TDP1: variants seen among roughly 807,000 people sequenced by gnomAD.
TDP1 encodes tyrosyl-DNA phosphodiesterase 1.
A neutral mutation model predicts 81.5 loss-of-function variants in TDP1; 64 were observed. The ratio of observed to expected loss-of-function variants is 0.79; its 90% CI spans 0.64 to 0.97. The LOEUF (loss-of-function observed/expected upper bound fraction) is 0.97, where lower values mean the gene tolerates loss of function less well. Among genes scored for constraint, TDP1 ranks in the 50% least tolerant of loss-of-function variants. The pLI, the probability that TDP1 is intolerant of heterozygous loss-of-function variation, is 0.00. For missense variants in TDP1, 723 were observed against 743.8 expected (o/e 0.97, Z 0.33); for synonymous variants, 256 against 264.3 (o/e 0.97, Z 0.30).
At chr14:89,971,051 G>T in intron 5 of TDP1, 124 bp from the exon 6 acceptor site, 1 of 764,120 alleles carries the variant, frequency 1.3e-6, no homozygotes, top group East Asian at 2.9e-5. Context: ...GGCCAGTCTG[G>T]TCTCGAACTC....
chr14:90,022,697 T>A (rs1211206651), intron 15 of TDP1: 2 of 963,642 alleles, frequency 2.1e-6, no homozygotes, highest in African/African-American at 3.5e-5. Context: ...CTTAAAGTGC[T>A]TATATCACAA....
intron 3 of TDP1, 40 bp from the exon 4 acceptor site, chr14:89,966,091 ATTATGACTAGAGGATT>A: frequency 8.2e-7 from 1 of 1,224,390 alleles, no homozygotes; most frequent in Middle Eastern, 2.1e-4. Context: ...AGTAGTGATT[ATTATGACTAGAGGATT>A]TTTGTGAGTG....
At chr14:90,002,060 AT>A (rs1897237046) in intron 14 of TDP1, among the ~76,000 whole-genome samples, 1 of 151,970 alleles carries the variant, frequency 6.6e-6, no homozygotes. Flanking sequence ...TTAAAAACTT[AT>A]TTTTTTCCAA....
chr14:89,986,230 T>TGGC (rs1392319248), intron 10 of TDP1, among the ~76,000 whole-genome samples: 8 of 152,232 alleles, frequency 5.3e-5, no homozygotes, highest in African/African-American at 1.7e-4. Context: ...TTCAGCACAT[T>TGGC]GGCCTGTGCC....
chr14:90,029,833 C>G (rs1887081983), intron 15 of TDP1, among the ~76,000 whole-genome samples: 1 of 152,148 alleles, frequency 6.6e-6, no homozygotes, highest in South Asian at 2.1e-4. Context: ...CCTTGGGCAA[C>G]TATTTAACCT....
chr14:89,993,515 A>G (rs773805792), intron 14 of TDP1, 32 bp downstream of exon 14: 1 of 1,608,634 alleles, frequency 6.2e-7, no homozygotes, highest in South Asian at 1.1e-5. Context: ...GATGGGAGAA[A>G]TCTTTTTAAT....
chr14:89,987,605 C>A (rs896454263), intron 10 of TDP1, among the ~76,000 whole-genome samples: 1 of 152,048 alleles, frequency 6.6e-6, no homozygotes, highest in African/African-American at 2.4e-5. Context: ...TCTTCCTGGG[C>A]AGAACTAGGT....
intron 15 of TDP1, among the ~76,000 whole-genome samples, chr14:90,019,905 G>A (rs1162642744): frequency 6.6e-6 from 1 of 152,172 alleles, no homozygotes; most frequent in African/African-American, 2.4e-5. Flanking sequence ...ATTGGTAGTA[G>A]CACAAACTGG....
rs73326471 is a variant in TDP1 at position 89,995,629 on chromosome 14, A to G, written c.1541+2146A>G. The stretch of plus-strand genomic sequence containing the variant: ...AGGAAAGTATAGTTTCCAAATATAA[A>G]TGGCATCTACCAGTAAGGAGCTCCC... On this transcript the variant is annotated intron_variant, in intron 14 of 16. Transcript: ENST00000335725. Among the ~76,000 whole-genome samples the G allele has an allele frequency of 6.0e-3, 910 of 152,316 alleles. 6 individuals carry two copies. Among genetic ancestry groups the G allele is most frequent in the African/African-American group, 0.021 (874 of 41,574 alleles).
chr14:89,959,960 T>C (rs551917234), intron 2 of TDP1, among the ~76,000 whole-genome samples: 1 of 152,300 alleles, frequency 6.6e-6, no homozygotes, highest in South Asian at 2.1e-4. Context: ...AGCTGAATCC[T>C]TTCTCACCAA....
At chr14:90,035,578 G>A (rs1325232328) in intron 16 of TDP1, among the ~76,000 whole-genome samples, 1 of 152,064 alleles carries the variant, frequency 6.6e-6, no homozygotes, top group Non-Finnish European at 1.5e-5. Flanking sequence ...GTTTTAGTGT[G>A]TCTGTCTACA....
intron 5 of TDP1, among the ~76,000 whole-genome samples, chr14:89,967,759 C>T (rs940856718): frequency 6.6e-6 from 1 of 152,136 alleles, no homozygotes. Flanking sequence ...GCCAACATGC[C>T]GCCAACGTGC....
chr14:90,004,013 C>G (rs1897412951), intron 14 of TDP1, among the ~76,000 whole-genome samples: 1 of 151,996 alleles, frequency 6.6e-6, no homozygotes, highest in South Asian at 2.1e-4. Context: ...CTTGCCTGGC[C>G]CTGTGGCTCT....
intron 7 of TDP1, among the ~76,000 whole-genome samples, chr14:89,979,835 G>A (rs35653575): frequency 6.6e-6 from 1 of 151,880 alleles, no homozygotes; most frequent in African/African-American, 2.4e-5. Context: ...AAATGTGTTC[G>A]ACTAGAGGCC....
intron 14 of TDP1, among the ~76,000 whole-genome samples, chr14:89,997,597 C>T (rs1262573993): frequency 1.3e-5 from 2 of 152,170 alleles, no homozygotes; most frequent in African/African-American, 4.8e-5. Context: ...TTGTTAACAC[C>T]GTAATCCTTT....
At chr14:90,001,964 C>T (rs560767372) in intron 14 of TDP1, among the ~76,000 whole-genome samples, 3 of 152,236 alleles carry the variant, frequency 2.0e-5, no homozygotes, top group African/African-American at 7.2e-5. Flanking sequence ...AGCAAGGTGC[C>T]TGATCTTACT....
chr14:90,043,406 T>G lies in TDP1; in HGVS notation c.*263T>G. The G allele has an allele frequency of 7.3e-6, 4 of 551,040 alleles. No individual in the cohort carries two copies. Among genetic ancestry groups the G allele is most frequent in the Non-Finnish European group, 6.5e-6 (2 of 308,458 alleles). The allele number at this position is 551,040 out of a possible 1,614,324, so 34.1% of individuals were successfully genotyped here. ...CTCTATGTTAAAAATACGTACTGCTTGAGTATCCCCTGTCTGAAATGCTTG... is the reference window on the plus strand; with the variant it reads ...CTCTATGTTAAAAATACGTACTGCTGGAGTATCCCCTGTCTGAAATGCTTG... On this transcript the variant is annotated 3_prime_UTR_variant, in exon 17 of 17. Transcript: ENST00000335725.
At chr14:89,972,805 G>C (rs554520316) in intron 6 of TDP1, among the ~76,000 whole-genome samples, 1 of 152,148 alleles carries the variant, frequency 6.6e-6, no homozygotes, top group Non-Finnish European at 1.5e-5. Context: ...GAGAAAACAC[G>C]AAAGATGCTT....
chr14:89,988,337 A>G (rs948048280), intron 10 of TDP1, among the ~76,000 whole-genome samples: 5 of 152,014 alleles, frequency 3.3e-5, no homozygotes, highest in African/African-American at 7.3e-5. Context: ...TCCCTGGAGG[A>G]TGGGGGGTTG....
Sources: allele counts gnomAD v4.1 joint callset (sites outside exome capture counted in the v4.1 genomes callset), GRCh38; gene constraint gnomAD v4.1.1; transcripts MANE v1.5; gene names NCBI Gene and HGNC (gene_info 2026-07-23, HGNC 2026-07-21).